Variants in BTBD7 observed in about 807,000 individuals in gnomAD.
BTBD7 encodes the protein BTB domain containing 7.
Under a neutral mutation model 99.9 loss-of-function variants are expected in BTBD7, and 38 were observed. The observed-to-expected ratio is 0.38, with a 90% CI of 0.29 to 0.50. BTBD7 has a LOEUF of 0.50. BTBD7 is among the 20% of genes least tolerant of loss of function. BTBD7 has a pLI of 0.93. For missense variants in BTBD7, 1,170 were observed against 1,394.6 expected (o/e 0.84, Z 2.57); for synonymous variants, 520 against 511.4 (o/e 1.02, Z -0.23).
At chr14:93,285,415 A>G (rs1382126420) in intron 3 of BTBD7, among the ~76,000 whole-genome samples, 1 of 152,238 alleles carries the variant, frequency 6.6e-6, no homozygotes, top group East Asian at 1.9e-4. Context: ...CCATTTTGGA[A>G]CTAAAGTTAT....
At chr14:93,327,041 T>C (rs762287979) in intron 1 of BTBD7, among the ~76,000 whole-genome samples, 2 of 149,064 alleles carry the variant, frequency 1.3e-5, no homozygotes, top group Non-Finnish European at 3.0e-5. Context: ...CGTGCCTGTA[T>C]TCCCAGCTAC....
chr14:93,306,027 G>C (rs866568121), intron 1 of BTBD7, among the ~76,000 whole-genome samples: 2 of 152,278 alleles, frequency 1.3e-5, no homozygotes, highest in African/African-American at 2.4e-5. Flanking sequence ...ATACAGATTT[G>C]GGGATTAAGT....
intron 1 of BTBD7, among the ~76,000 whole-genome samples, chr14:93,320,476 G>T (rs1214219803): frequency 6.6e-6 from 1 of 152,208 alleles, no homozygotes; most frequent in Non-Finnish European, 1.5e-5. Flanking sequence ...CCCTGTAATA[G>T]AGTGTAAGGA....
intron 1 of BTBD7, among the ~76,000 whole-genome samples, chr14:93,326,386 G>A (rs2053331403): frequency 6.6e-6 from 1 of 152,144 alleles, no homozygotes; most frequent in Admixed American, 6.5e-5. Context: ...AAGACTGCTT[G>A]AGCCCAGGTA....
chr14:93,288,362 T>G, intron 3 of BTBD7: 1 of 612,642 alleles, frequency 1.6e-6, no homozygotes, highest in Non-Finnish European at 2.9e-6. Context: ...CTTTCTAGAT[T>G]TCCTCAACTG....
At chr14:93,290,272 G>A (rs1316445391) in intron 3 of BTBD7, among the ~76,000 whole-genome samples, 2 of 151,624 alleles carry the variant, frequency 1.3e-5, no homozygotes, top group Non-Finnish European at 2.9e-5. Context: ...GAGTGCAGTG[G>A]TGCGATCTCA....
chr14:93,264,786 A>C (rs917351530), intron 3 of BTBD7, among the ~76,000 whole-genome samples: 1 of 152,200 alleles, frequency 6.6e-6, no homozygotes, highest in Non-Finnish European at 1.5e-5. Context: ...AAAACAAACA[A>C]ACAAACAAAC....
chr14:93,275,996 T>C (rs2052652612), intron 3 of BTBD7, among the ~76,000 whole-genome samples: 1 of 152,166 alleles, frequency 6.6e-6, no homozygotes, highest in Non-Finnish European at 1.5e-5. Context: ...GGGCAGATCT[T>C]TTGAGCCCAG....
chr14:93,309,699 T>C (rs1459903761), intron 1 of BTBD7, among the ~76,000 whole-genome samples: 2 of 152,152 alleles, frequency 1.3e-5, no homozygotes, highest in Non-Finnish European at 1.5e-5. Flanking sequence ...TAGTGCTGTG[T>C]ATTGTTGAAC....
At chr14:93,303,573 G>A (rs192110535) in intron 1 of BTBD7, among the ~76,000 whole-genome samples, 11 of 152,200 alleles carry the variant, frequency 7.2e-5, no homozygotes, top group East Asian at 3.9e-4. Context: ...TGGACTAGAC[G>A]AACTACATCT....
chr14:93,270,447 C>CTT (rs2052589433), intron 3 of BTBD7, among the ~76,000 whole-genome samples: 1 of 151,924 alleles, frequency 6.6e-6, no homozygotes, highest in Non-Finnish European at 1.5e-5. Context: ...TAATCCCACA[C>CTT]TTTAAGAGGC....
intron 5 of BTBD7, among the ~76,000 whole-genome samples, chr14:93,258,989 C>A (rs1017584233): frequency 6.6e-6 from 1 of 152,184 alleles, no homozygotes; most frequent in Non-Finnish European, 1.5e-5. Flanking sequence ...CATCACTGAA[C>A]AAGCTTATGG....
intron 1 of BTBD7, among the ~76,000 whole-genome samples, chr14:93,305,352 C>G (rs964987178): frequency 6.6e-6 from 1 of 152,084 alleles, no homozygotes; most frequent in African/African-American, 2.4e-5. Context: ...GAAGTCTACA[C>G]TTAGAGTCTT....
chr14:93,285,797 C>T (rs2052770523), intron 3 of BTBD7, among the ~76,000 whole-genome samples: 1 of 152,154 alleles, frequency 6.6e-6, no homozygotes, highest in African/African-American at 2.4e-5. Context: ...GTTTTAAATA[C>T]TAGTCTTTTA....
chr14:93,307,122 A>G (rs1213021899), intron 1 of BTBD7, among the ~76,000 whole-genome samples: 1 of 152,198 alleles, frequency 6.6e-6, no homozygotes, highest in African/African-American at 2.4e-5. Context: ...ATGCAAATAA[A>G]TTATCCCTAA....
intron 1 of BTBD7, among the ~76,000 whole-genome samples, chr14:93,300,439 G>A (rs538794012): frequency 3.9e-5 from 6 of 151,900 alleles, no homozygotes; most frequent in African/African-American, 1.2e-4. Context: ...TGTATTTTTA[G>A]TAGGGACAGG....
chr14:93,262,785 T>G (rs1449049842), intron 4 of BTBD7, among the ~76,000 whole-genome samples: 1 of 151,656 alleles, frequency 6.6e-6, no homozygotes, highest in Non-Finnish European at 1.5e-5. Flanking sequence ...GCTCTCTGTT[T>G]TTTTTTTTTT....
chr14:93,274,523 T>C (rs1224768265), intron 3 of BTBD7, among the ~76,000 whole-genome samples: 2 of 152,226 alleles, frequency 1.3e-5, no homozygotes, highest in East Asian at 3.9e-4. Flanking sequence ...GTCCCCTCTT[T>C]CTTCCCTCTG....
chr14:93,273,005 A>G (rs76638876), intron 3 of BTBD7, among the ~76,000 whole-genome samples: 1,774 of 152,258 alleles, frequency 0.012, 24 homozygotes, highest in Non-Finnish European at 0.018. Context: ...TTCGGCATGC[A>G]CTGTGGGGAA....
Sources: allele counts gnomAD v4.1 joint callset (sites outside exome capture counted in the v4.1 genomes callset), GRCh38; gene constraint gnomAD v4.1.1; transcripts MANE v1.5; gene names NCBI Gene and HGNC (gene_info 2026-07-23, HGNC 2026-07-21).